The following ERCC8 variants were observed in gnomAD, a reference collection of about 807,000 sequenced individuals.
ERCC8 encodes DNA excision repair protein ERCC-8.
Under a neutral mutation model 54.9 loss-of-function variants are expected in ERCC8, and 52 were observed. That is an observed-to-expected ratio of 0.95 (90% CI 0.76 to 1.19). The LOEUF (loss-of-function observed/expected upper bound fraction) is 1.19, where lower values mean the gene tolerates loss of function less well. ERCC8 is among the 50% of genes most tolerant of loss of function. The pLI is 0.00. For missense variants in ERCC8, 514 were observed against 466.1 expected (o/e 1.10, Z -0.95); for synonymous variants, 146 against 157.2 (o/e 0.93, Z 0.53).
chr5:60,886,222 T>TA (rs907235610), intron 11 of ERCC8, among the ~76,000 whole-genome samples: 1 of 150,622 alleles, frequency 6.6e-6, no homozygotes, highest in African/African-American at 2.4e-5. Context: ...ATGTGAAAGT[T>TA]AAAAAAAAAT....
chr5:60,878,047 T>C (rs1253317368), intron 11 of ERCC8, among the ~76,000 whole-genome samples: 1 of 152,242 alleles, frequency 6.6e-6, no homozygotes, highest in Non-Finnish European at 1.5e-5. Flanking sequence ...ATACGTCCCA[T>C]CAATACCTAA....
Position 60,870,077 on chromosome 5 carries a change from T to C in ERCC8, c.*4538A>G, listed in dbSNP as rs1260305556. Among the ~76,000 whole-genome samples, 1 of 152,074 alleles carries C rather than the reference T, an allele frequency of 6.6e-6. No homozygotes were observed. Among genetic ancestry groups the C allele is most frequent in the Non-Finnish European group, 1.5e-5 (1 of 68,024 alleles). On this transcript the variant is annotated 3_prime_UTR_variant, in exon 12 of 12. Transcript: ENST00000676185. ...AAGCCTCCCATATTTCTCCACTATA[T>C]TTTTGCAAGTGCTTAACAAAACAAA...
chr5:60,919,979 G>T (rs1749556387), intron 3 of ERCC8, among the ~76,000 whole-genome samples: 1 of 151,942 alleles, frequency 6.6e-6, no homozygotes, highest in Non-Finnish European at 1.5e-5. Flanking sequence ...CTATTTAGAG[G>T]AAATGCCCTT....
intron 11 of ERCC8, among the ~76,000 whole-genome samples, chr5:60,876,047 G>A (rs1348324861): frequency 1.3e-5 from 2 of 150,206 alleles, no homozygotes; most frequent in Admixed American, 1.3e-4. Context: ...CCCCACAACA[G>A]GTCCCGGTGT....
intron 4 of ERCC8, among the ~76,000 whole-genome samples, chr5:60,907,883 G>A (rs1037768646): frequency 1.3e-5 from 2 of 151,584 alleles, no homozygotes; most frequent in Admixed American, 6.6e-5. Flanking sequence ...TATTTTTATC[G>A]CACTACTGTA....
chr5:60,922,936 C>T (rs1479697809), intron 2 of ERCC8, among the ~76,000 whole-genome samples: 1 of 151,984 alleles, frequency 6.6e-6, no homozygotes, highest in African/African-American at 2.4e-5. Context: ...TCCCTGATTG[C>T]AATATTTAAG....
At chr5:60,932,794 A>T (rs758846868) in intron 1 of ERCC8, among the ~76,000 whole-genome samples, 3 of 152,130 alleles carry the variant, frequency 2.0e-5, no homozygotes, top group Non-Finnish European at 4.4e-5. Context: ...ACACAATGGC[A>T]TAGGAGTAGA....
At chr5:60,934,568 T>A (rs1366736384) in intron 1 of ERCC8, among the ~76,000 whole-genome samples, 5 of 152,204 alleles carry the variant, frequency 3.3e-5, no homozygotes, top group African/African-American at 1.2e-4. Flanking sequence ...TGCAGTTTAA[T>A]TAAGACCTAT....
At chr5:60,896,878 G>A (rs1466288474) in intron 9 of ERCC8, among the ~76,000 whole-genome samples, 3 of 152,040 alleles carry the variant, frequency 2.0e-5, no homozygotes, top group Non-Finnish European at 2.9e-5. Context: ...ATTAAACTTT[G>A]ACACACATGC....
At chr5:60,916,692 T>C (rs998779056) in intron 4 of ERCC8, among the ~76,000 whole-genome samples, 3 of 152,004 alleles carry the variant, frequency 2.0e-5, no homozygotes, top group African/African-American at 4.8e-5. Context: ...AAAAAACACA[T>C]CTATTTAGTT....
chr5:60,904,646 A>G lies in ERCC8; in HGVS notation c.481+146T>C, dbSNP rs1431191290. ...AGTGTGTGTGTGTGTATATATATAT[A>G]TATATATATATATATATATATATAT... On this transcript the variant is annotated intron_variant, in intron 5 of 11. Coordinates refer to ENST00000676185, the MANE Select transcript of ERCC8 (RefSeq NM_000082.4). The G allele has an allele frequency of 3.3e-3, 261 of 78,526 alleles. 8 individuals are homozygous for G. Among genetic ancestry groups the G allele is most frequent in the African/African-American group, 0.017 (198 of 11,622 alleles). 4.9% of individuals were successfully genotyped at this position (78,526 alleles called of 1,614,324 possible).
At position 60,904,630 on chromosome 5, in the gene ERCC8, GTGTGTATATATATATA is replaced by G. The variant is rs1184006533; in HGVS notation, c.481+146_481+161del. Among the ~76,000 whole-genome samples the G allele has an allele frequency of 8.5e-4, 38 of 44,580 alleles. 2 individuals are homozygous for G. Among genetic ancestry groups the G allele is most frequent in the Middle Eastern group, 9.1e-3 (1 of 110 alleles). 29.2% of individuals were successfully genotyped at this position (44,580 alleles called of 152,430 possible). A position where few individuals can be genotyped will look rare whatever the true frequency, so the allele number is the denominator to read the frequency against. Reference sequence around the variant, plus strand: ...TCTGTTGAATATATATAGTGTGTGTGTGTGTATATATATATATATATATATATATATATATATATAT... The same window carrying G: ...TCTGTTGAATATATATAGTGTGTGTGTATATATATATATATATATATATAT... On this transcript the variant is annotated intron_variant, in intron 5 of 11. Coordinates refer to ENST00000676185, the MANE Select transcript of ERCC8 (RefSeq NM_000082.4).
chr5:60,902,878 T>A (rs374507957), intron 6 of ERCC8, among the ~76,000 whole-genome samples: 2 of 151,980 alleles, frequency 1.3e-5, no homozygotes, highest in East Asian at 3.8e-4. Flanking sequence ...CAATTTCTCA[T>A]AAAGTTATAA....
chr5:60,914,579 C>T (rs1446958419), intron 4 of ERCC8, among the ~76,000 whole-genome samples: 1 of 151,674 alleles, frequency 6.6e-6, no homozygotes, highest in African/African-American at 2.4e-5. Flanking sequence ...TCATTTGAGG[C>T]CAGATTTTGA....
chr5:60,893,230 A>T, intron 9 of ERCC8: 2 of 996,412 alleles, frequency 2.0e-6, no homozygotes, highest in Non-Finnish European at 3.2e-6. Context: ...ACTCCTTGTA[A>T]TAAGCCTTCA....
chr5:60,944,263 A>G (rs1009158967), intron 1 of ERCC8, among the ~76,000 whole-genome samples: 2 of 152,172 alleles, frequency 1.3e-5, no homozygotes, highest in African/African-American at 4.8e-5. Context: ...TCTGTGGCCC[A>G]GGCTTCCAAC....
intron 8 of ERCC8, among the ~76,000 whole-genome samples, chr5:60,899,273 T>C (rs1748805487): frequency 6.6e-6 from 1 of 152,010 alleles, no homozygotes; most frequent in African/African-American, 2.4e-5. Context: ...GTTGATACAA[T>C]GGCCACAAAA....
intron 11 of ERCC8, among the ~76,000 whole-genome samples, chr5:60,880,798 C>A (rs1220003119): frequency 6.6e-6 from 1 of 152,040 alleles, no homozygotes; most frequent in Non-Finnish European, 1.5e-5. Flanking sequence ...AACTTCTTTG[C>A]CATGGGTTCA....
chr5:60,901,158 A>G (rs1332583674), intron 7 of ERCC8, among the ~76,000 whole-genome samples: 1 of 152,060 alleles, frequency 6.6e-6, no homozygotes, highest in Non-Finnish European at 1.5e-5. Flanking sequence ...ATATAAAAAT[A>G]TTTGATTACT....
Sources: allele counts gnomAD v4.1 joint callset (sites outside exome capture counted in the v4.1 genomes callset), GRCh38; gene constraint gnomAD v4.1.1; transcripts MANE v1.5; gene names NCBI Gene and HGNC (gene_info 2026-07-23, HGNC 2026-07-21).